The following DHDH variants were observed in gnomAD, a reference collection of about 807,000 sequenced individuals.
DHDH encodes trans-1,2-dihydrobenzene-1,2-diol dehydrogenase.
DHDH carries 29 observed loss-of-function variants against 33.2 expected under a neutral mutation model. The ratio of observed to expected loss-of-function variants is 0.87; its 90% CI spans 0.65 to 1.19. The LOEUF is 1.19. Among genes scored for constraint, DHDH ranks in the 50% most tolerant of loss-of-function variants. DHDH has a pLI of 0.00. For missense variants in DHDH, 431 were observed against 455.0 expected, an observed-to-expected ratio of 0.95 and a Z score of 0.48; for synonymous variants, 201 against 187.9, an observed-to-expected ratio of 1.07 and a Z score of -0.57.
upstream of DHDH, chr19:48,933,626 C>T (rs2037732005): frequency 1.1e-4 from 122 of 1,151,296 alleles, no homozygotes; most frequent in South Asian, 1.4e-3. Flanking sequence ...GCAATACGGG[C>T]GGAGGATGGG....
At chr19:48,942,891 C>A (rs2037884495) in intron 5 of DHDH, among the ~76,000 whole-genome samples, 1 of 151,716 alleles carries the variant, frequency 6.6e-6, no homozygotes, top group Admixed American at 6.6e-5. Flanking sequence ...GCCATCTCTA[C>A]TAAAAATACA....
chr19:48,939,797 A>C, intron 4 of DHDH, 96 bp downstream of exon 4: 1 of 1,478,668 alleles, frequency 6.8e-7, no homozygotes, highest in South Asian at 1.4e-5. Flanking sequence ...AATGAGAATT[A>C]GATCAGACAC....
chr19:48,933,743 G>A lies in DHDH; in HGVS notation c.22G>A (p.Val8Met), dbSNP rs774777831. Residue 8 changes from valine (V) to methionine (M), a missense_variant, in exon 1 of 7, where the codon GTG (valine) becomes ATG (methionine). Coordinates refer to ENST00000221403, the MANE Select transcript of DHDH (RefSeq NM_014475.4). ...AACCATGGCGCTGCGCTGGGGCATCGTGTCTGTCGGCCTCATCTCCAGCGA... is the reference window on the plus strand; with the variant it reads ...AACCATGGCGCTGCGCTGGGGCATCATGTCTGTCGGCCTCATCTCCAGCGA... MALRWGI[V>M]SVGLISSDFT... The A allele has an allele frequency of 1.2e-6, 2 of 1,613,438 alleles. No homozygotes were observed. Among genetic ancestry groups the A allele is most frequent in the Admixed American group, 3.3e-5 (2 of 60,024 alleles).
rs775768762 is a variant in DHDH, at chr19:48,939,593, G to C, written c.511G>C (p.Gly171Arg). ...CCGGGCCGTAGACCGGGCCCAGGCT[G>C]GGGGGGCCCTGCTGGACATCGGCAT... ...VPRAVDRAQA[G>R]GALLDIGIYC... Residue 171 changes from glycine (G) to arginine (R), a missense_variant, in exon 4 of 7, where the codon GGG becomes CGG. By Grantham distance (125) the Gly-to-Arg change is moderately radical. Coordinates refer to ENST00000221403, the MANE Select transcript of DHDH (RefSeq NM_014475.4). 1.9e-5 allele frequency: 30 copies of C among 1,565,844 alleles called. No homozygotes were observed. Among genetic ancestry groups the C allele is most frequent in the Admixed American group, 3.6e-5 (2 of 55,022 alleles).
chr19:48,934,881 T>A, intron 1 of DHDH, 119 bp from the exon 2 acceptor site: 4 of 685,896 alleles, frequency 5.8e-6, no homozygotes, highest in Middle Eastern at 4.0e-4. Context: ...GCCCCCGTCA[T>A]CTCTTCCCCC....
chr19:48,935,925 C>A, intron 2 of DHDH, 107 bp from the exon 3 acceptor site: 2 of 1,428,338 alleles, frequency 1.4e-6, no homozygotes, highest in Non-Finnish European at 1.9e-6. Context: ...AGGGGTGTGA[C>A]CGACCACCTG....
At chr19:48,944,328 C>A in intron 5 of DHDH, 29 bp from the exon 6 acceptor site, 1 of 1,612,682 alleles carries the variant, frequency 6.2e-7, no homozygotes, top group Non-Finnish European at 8.5e-7. Context: ...TTGGTGAAGG[C>A]AGCAGTGCCA....
At chr19:48,940,227 C>T (rs1480647486) in intron 4 of DHDH, among the ~76,000 whole-genome samples, 1 of 151,894 alleles carries the variant, frequency 6.6e-6, no homozygotes. Context: ...TTGCGGCAGG[C>T]ACCTGTAATC....
rs1325342416 is a variant in DHDH at position 48,936,236 on chromosome 19, G to A, written c.366+41G>A. On this transcript the variant is annotated intron_variant, in intron 3 of 6. Coordinates refer to ENST00000221403, the MANE Select transcript of DHDH (RefSeq NM_014475.4). Reference sequence around the variant, plus strand: ...CCCTTCCAATATCCAGCGTAAAAGTGCTTGCCATTAAATATGGTTGCCAGT... The same window carrying A: ...CCCTTCCAATATCCAGCGTAAAAGTACTTGCCATTAAATATGGTTGCCAGT... The A allele has an allele frequency of 2.6e-6, 4 of 1,527,242 alleles. No homozygotes were observed. The Admixed American group carries it at 5.8e-5, about 22-fold the overall frequency. The allele number at this position is 1,527,242 out of a possible 1,614,324, so 94.6% of individuals were successfully genotyped here.
At chr19:48,935,575 T>C (rs144850839) in intron 2 of DHDH, among the ~76,000 whole-genome samples, 1 of 151,138 alleles carries the variant, frequency 6.6e-6, no homozygotes, top group African/African-American at 2.4e-5. Flanking sequence ...CCTAGCACTT[T>C]GGGAGGCCAA....
chr19:48,933,896 G>A, intron 1 of DHDH, 85 bp downstream of exon 1: 4 of 1,289,256 alleles, frequency 3.1e-6, no homozygotes, highest in South Asian at 1.2e-5. Context: ...TAGGGTTCAG[G>A]ACTAGTGAGT....
At chr19:48,935,979 T>C in intron 2 of DHDH, 53 bp from the exon 3 acceptor site, 1 of 1,552,382 alleles carries the variant, frequency 6.4e-7, no homozygotes, top group Non-Finnish European at 8.7e-7. Flanking sequence ...TGGGCGGAGC[T>C]CGGCTGTCTG....
intron 4 of DHDH, among the ~76,000 whole-genome samples, chr19:48,940,092 C>T (rs922886308): frequency 3.3e-5 from 5 of 152,130 alleles, no homozygotes; most frequent in Admixed American, 6.6e-5. Context: ...TGGTGGCTCA[C>T]GCCTGTAATT....
intron 3 of DHDH, among the ~76,000 whole-genome samples, chr19:48,937,331 C>A (rs1409794375): frequency 6.6e-6 from 1 of 152,142 alleles, no homozygotes; most frequent in African/African-American, 2.4e-5. Flanking sequence ...ATCCGTCCTG[C>A]CCCGCCCTTC....
intron 1 of DHDH, 82 bp from the exon 2 acceptor site, chr19:48,934,918 C>A: frequency 8.6e-7 from 1 of 1,161,114 alleles, no homozygotes; most frequent in Non-Finnish European, 1.2e-6. Flanking sequence ...TTCCCCTGGC[C>A]AGAGCCTCCT....
chr19:48,932,849 C>T (rs1310475811), upstream of DHDH, among the ~76,000 whole-genome samples: 1 of 151,994 alleles, frequency 6.6e-6, no homozygotes, highest in Non-Finnish European at 1.5e-5. Context: ...ACATAATAGA[C>T]CATAGAGCTC....
At chr19:48,939,297 A>G (rs1007072014) in intron 3 of DHDH, 152 bp from the exon 4 acceptor site, 4 of 906,872 alleles carry the variant, frequency 4.4e-6, no homozygotes, top group Non-Finnish European at 6.6e-6. Context: ...AAGAAAAAGA[A>G]GAAAAGTCAA....
chr19:48,940,080 C>T (rs763832782), intron 4 of DHDH, among the ~76,000 whole-genome samples: 5 of 152,134 alleles, frequency 3.3e-5, no homozygotes, highest in Non-Finnish European at 7.3e-5. Flanking sequence ...CTTGGCCAGG[C>T]GTGGTGGCTC....
chr19:48,940,333 C>A (rs984851161), intron 4 of DHDH, among the ~76,000 whole-genome samples: 1 of 150,214 alleles, frequency 6.7e-6, no homozygotes, highest in Admixed American at 6.7e-5. Flanking sequence ...CTAGCCTGGG[C>A]GACAGAGTGA....
Sources: allele counts gnomAD v4.1 joint callset (sites outside exome capture counted in the v4.1 genomes callset), GRCh38; gene constraint gnomAD v4.1.1; transcripts MANE v1.5; gene names NCBI Gene and HGNC (gene_info 2026-07-23, HGNC 2026-07-21).